Variants in OC90 observed in about 807,000 individuals in gnomAD.
OC90 encodes otoconin-90.
A neutral mutation model predicts 47.3 loss-of-function variants in OC90; 46 were observed. The ratio of observed to expected loss-of-function variants is 0.97; its 90% CI spans 0.77 to 1.24. OC90 has a LOEUF of 1.24. OC90 is among the 50% of genes most tolerant of loss of function. The pLI is 0.00. For missense variants in OC90, 688 were observed against 583.9 expected (o/e 1.18, Z -1.84); for synonymous variants, 271 against 219.5 (o/e 1.23, Z -2.07).
chr8:132,033,885 A>ATGAG (rs915619089), intron 10 of OC90, among the ~76,000 whole-genome samples: 1 of 152,198 alleles, frequency 6.6e-6, no homozygotes, highest in Non-Finnish European at 1.5e-5. Flanking sequence ...ACCCAGGCTC[A>ATGAG]GTTCCTGGAG....
chr8:132,037,093 T>C (rs1437364125), intron 9 of OC90, among the ~76,000 whole-genome samples: 1 of 152,240 alleles, frequency 6.6e-6, no homozygotes, highest in African/African-American at 2.4e-5. Flanking sequence ...TCACTTGCAT[T>C]AATTTAGGGG....
Position 132,045,801 on chromosome 8 carries a change from G to A in OC90, c.112+17C>T, listed in dbSNP as rs1448788578. On this transcript the variant is annotated intron_variant, in intron 3 of 13. Transcript: ENST00000254627. ...ACTTTCTACTCTGCTCCTAAGAAAA[G>A]TTCTAAGAATCCTTACTGATATTGT... The A allele has an allele frequency of 1.4e-6, 2 of 1,468,604 alleles. No homozygotes were observed. The highest frequency in any genetic ancestry group is 1.9e-6 in the Non-Finnish European group (2 of 1,071,356). 91.0% of individuals were successfully genotyped at this position (1,468,604 alleles called of 1,614,324 possible).
At chr8:132,039,742 A>C (rs1339047905) in intron 6 of OC90, among the ~76,000 whole-genome samples, 2 of 152,112 alleles carry the variant, frequency 1.3e-5, no homozygotes, top group Admixed American at 1.3e-4. Flanking sequence ...CTCAGGCCTC[A>C]GGGCCAGTCC....
rs57885305 is a variant in OC90, at chr8:132,032,982, T to A, written c.859+57A>T. The A allele has an allele frequency of 3.4e-3, 5,390 of 1,577,700 alleles. 148 individuals are homozygous for A. The African/African-American group carries it at 0.063, about 18-fold the overall frequency. ...TGAAAAGGTGGCCTACGGTGATTGT[T>A]CACAGCCTCACCAAAAGATCCCAGC... On this transcript the variant is annotated intron_variant, in intron 11 of 13. Coordinates refer to ENST00000254627, the MANE Select transcript of OC90 (RefSeq NM_001080399.3).
rs1029445251 is a variant in OC90, at chr8:132,044,441, T to C, written c.161A>G (p.Glu54Gly). Residue 54 changes from glutamate to glycine, a missense_variant, in exon 4 of 14, where the codon GAA (glutamate) becomes GGA (glycine). Coordinates refer to ENST00000254627, the MANE Select transcript of OC90 (RefSeq NM_001080399.3). ...TTTTAGACTTAACTTACCAAAAATT[T>C]CAGCCACACTTTCCACATTTTTAAA... is the stretch of plus-strand genomic sequence containing the variant. The part of the protein sequence containing the change: ...GMFKNVESVA[E>G]IFDCLGPHFT... 1.3e-6 allele frequency: 2 copies of C among 1,547,366 alleles called. No homozygotes were observed. The highest frequency in any genetic ancestry group is 3.8e-5 in the Admixed American group (2 of 53,286).
intron 6 of OC90, among the ~76,000 whole-genome samples, chr8:132,039,391 A>G (rs994108783): frequency 5.3e-5 from 8 of 151,910 alleles, no homozygotes; most frequent in Non-Finnish European, 2.9e-5. Flanking sequence ...CCACACCTCC[A>G]CTGTACCACA....
intron 6 of OC90, among the ~76,000 whole-genome samples, chr8:132,040,557 G>T (rs75304799): frequency 0.015 from 2,265 of 152,206 alleles, 54 homozygotes; most frequent in African/African-American, 0.051. Flanking sequence ...ACCACCGCAC[G>T]CCTTATTCAC....
intron 3 of OC90, among the ~76,000 whole-genome samples, chr8:132,045,262 T>A (rs1563732910): frequency 6.6e-6 from 1 of 152,162 alleles, no homozygotes; most frequent in East Asian, 1.9e-4. Flanking sequence ...CCCAACTCAC[T>A]CCTCTGAAAG....
intron 13 of OC90, among the ~76,000 whole-genome samples, chr8:132,028,636 A>C (rs1822808782): frequency 9.5e-6 from 1 of 104,876 alleles, no homozygotes; most frequent in African/African-American, 3.4e-5. Context: ...GAAGGAAGGA[A>C]AGAAAGGAAG....
At position 132,024,393 on chromosome 8, in the gene OC90, C is replaced by T. The variant is rs538864502; in HGVS notation, c.*88G>A. On this transcript the variant is annotated 3_prime_UTR_variant, in exon 14 of 14. Coordinates refer to ENST00000254627, the MANE Select transcript of OC90 (RefSeq NM_001080399.3). ...TGAGTTAAAGGAAGGGAAGAAGGCT[C>T]CAAGGGACAGAGGAGGCTGAGAGAT... is the stretch of plus-strand genomic sequence containing the variant. The T allele has an allele frequency of 2.7e-6, 3 of 1,110,574 alleles. No homozygotes were observed. The highest frequency in any genetic ancestry group is 2.7e-5 in the Admixed American group (1 of 37,362). 68.8% of individuals were successfully genotyped at this position (1,110,574 alleles called of 1,614,324 possible).
At chr8:132,032,087 C>T (rs773758315) in intron 11 of OC90, 35 bp from the exon 12 acceptor site, 1 of 1,599,926 alleles carries the variant, frequency 6.3e-7, no homozygotes. Flanking sequence ...AGAGCAAGGA[C>T]TGTCGGGGCA....
chr8:132,028,491 A>G (rs533225046), intron 13 of OC90, among the ~76,000 whole-genome samples: 1 of 150,864 alleles, frequency 6.6e-6, no homozygotes, highest in African/African-American at 2.4e-5. Context: ...GCCGAGTGAA[A>G]CACCATCAAG....
intron 13 of OC90, among the ~76,000 whole-genome samples, chr8:132,028,313 C>A (rs887599201): frequency 6.6e-6 from 1 of 151,824 alleles, no homozygotes; most frequent in African/African-American, 2.4e-5. Flanking sequence ...ACCATCCTGG[C>A]CAACATGGTG....
chr8:132,031,803 A>G, intron 12 of OC90, 78 bp downstream of exon 12: 1 of 1,307,326 alleles, frequency 7.6e-7, no homozygotes, highest in Non-Finnish European at 1.1e-6. Context: ...CCTGGTGTCC[A>G]GGAGGGCTGT....
At chr8:132,033,808 C>T (rs111444078) in intron 10 of OC90, among the ~76,000 whole-genome samples, 4,172 of 152,242 alleles carry the variant, frequency 0.027, 188 homozygotes, top group African/African-American at 0.093. Context: ...CATGCACAGG[C>T]CAAATCTCCA....
At chr8:132,027,300 T>C (rs999853308) in intron 13 of OC90, among the ~76,000 whole-genome samples, 1 of 152,148 alleles carries the variant, frequency 6.6e-6, no homozygotes, top group Non-Finnish European at 1.5e-5. Context: ...GGTTTGTTGG[T>C]TAAGTGGATA....
chr8:132,035,216 G>A (rs1266110137), intron 9 of OC90, among the ~76,000 whole-genome samples: 2 of 152,236 alleles, frequency 1.3e-5, no homozygotes, highest in Non-Finnish European at 2.9e-5. Flanking sequence ...TGTTTGCTAT[G>A]TGACTCCAGG....
chr8:132,043,343 G>A (rs533355376), intron 4 of OC90, among the ~76,000 whole-genome samples: 1 of 152,354 alleles, frequency 6.6e-6, no homozygotes, highest in East Asian at 1.9e-4. Context: ...CCAATTCATA[G>A]TAAGTAAACT....
chr8:132,034,168 T>C (rs909442273), intron 10 of OC90, among the ~76,000 whole-genome samples: 1 of 152,114 alleles, frequency 6.6e-6, no homozygotes, highest in Non-Finnish European at 1.5e-5. Flanking sequence ...GTAGAAAGAG[T>C]TCATGAGTTA....
Sources: allele counts gnomAD v4.1 joint callset (sites outside exome capture counted in the v4.1 genomes callset), GRCh38; gene constraint gnomAD v4.1.1; transcripts MANE v1.5; gene names NCBI Gene and HGNC (gene_info 2026-07-23, HGNC 2026-07-21).